Variants in COA7 observed in about 807,000 individuals in gnomAD.
COA7 encodes the protein Sel1 repeat containing 1.
COA7 carries 12 observed loss-of-function variants against 21.0 expected under a neutral mutation model. That is an observed-to-expected ratio of 0.57 (90% CI 0.37 to 0.92). The LOEUF is 0.92. COA7 is among the 40% of genes least tolerant of loss of function. The pLI, the probability that COA7 is intolerant of heterozygous loss-of-function variation, is 0.01. For synonymous variants in COA7, 95 were observed against 107.4 expected (o/e 0.88, Z 0.72); for missense variants, 240 against 286.1 (o/e 0.84, Z 1.16).
In COA7 at chr1:52,688,030, G is replaced by A; in HGVS notation, c.386C>T (p.Pro129Leu). 1 of 1,614,200 alleles carries A rather than the reference G, an allele frequency of 6.2e-7. No individual in the cohort carries two copies. The highest frequency in any genetic ancestry group is 2.2e-5 in the East Asian group (1 of 44,888). The stretch of plus-strand genomic sequence containing the variant: ...GTAGTCCCTGGCCTTTCCCAAGTCA[G>A]GCTGGCCATCCTCATTAACCTGTCC... ...HDGQVNEDGQPDLGKARDYYT... is the reference protein window; with the variant it reads ...HDGQVNEDGQLDLGKARDYYT... The change falls in exon 3 of 3, where the codon CCT becomes CTT. Residue 129 changes from proline (P) to leucine (L), a missense_variant. By Grantham distance (98) the Pro-to-Leu change is moderately conservative. This residue lies in a region of COA7 where 163 missense variants were observed against 214.1 expected (regional missense o/e 0.76). Transcript: ENST00000371538.
intron 1 of COA7, among the ~76,000 whole-genome samples, chr1:52,697,234 AAAAG>A (rs1423943658): frequency 1.3e-5 from 2 of 152,208 alleles, no homozygotes; most frequent in Non-Finnish European, 2.9e-5. Context: ...ACTATCTCAA[AAAAG>A]AAAGAAAATA....
At chr1:52,698,178 G>T in intron 1 of COA7, 43 bp downstream of exon 1, 1 of 1,407,758 alleles carries the variant, frequency 7.1e-7, no homozygotes, top group South Asian at 1.2e-5. Context: ...CTCCGGGCAC[G>T]TCCCTCCCCG....
intron 2 of COA7, among the ~76,000 whole-genome samples, chr1:52,691,627 A>G (rs1404100806): frequency 6.6e-6 from 1 of 151,722 alleles, no homozygotes; most frequent in East Asian, 1.9e-4. Context: ...GCGCGCCACC[A>G]CGCCCAGCTA....
intron 1 of COA7, among the ~76,000 whole-genome samples, chr1:52,693,386 T>A (rs1462789875): frequency 2.0e-5 from 3 of 151,930 alleles, no homozygotes; most frequent in Non-Finnish European, 2.9e-5. Flanking sequence ...GAGACCAGCC[T>A]GGACAGGGTA....
In COA7 at chr1:52,687,971, T is replaced by C. The variant is rs1256041835; in HGVS notation, c.445A>G (p.Ser149Gly). 2 of 1,614,066 alleles carry C rather than the reference T, an allele frequency of 1.2e-6. No homozygotes were observed. Among genetic ancestry groups the C allele is most frequent in the African/African-American group, 2.7e-5 (2 of 74,932 alleles). Residue 149 changes from serine to glycine, a missense_variant, in exon 3 of 3, where the codon AGT becomes GGT. This residue lies in a region of COA7 where 163 missense variants were observed against 214.1 expected (regional missense o/e 0.76). Coordinates refer to ENST00000371538, the MANE Select transcript of COA7 (RefSeq NM_023077.3). ...AACATGGCACTGAGGTTGAAGCAAC[T>C]GGAAGTATAGCCACCATCACAGGCC... ...TRACDGGYTS[S>G]CFNLSAMFLQ...
At chr1:52,688,798 T>C (rs1644024832) in intron 2 of COA7, among the ~76,000 whole-genome samples, 1 of 152,188 alleles carries the variant, frequency 6.6e-6, no homozygotes, top group Non-Finnish European at 1.5e-5. Context: ...TGATACCTTA[T>C]GAGGAAACTC....
chr1:52,692,603 C>CA, intron 2 of COA7, 124 bp downstream of exon 2: 2 of 1,107,250 alleles, frequency 1.8e-6, no homozygotes, highest in Non-Finnish European at 2.6e-6. Context: ...CCTACCTCTC[C>CA]ATCTTCCTAC....
In COA7 at chr1:52,692,776, C is replaced by G; in HGVS notation, c.198G>C (p.Gln66His). 6.2e-7 allele frequency: 1 copy of G among 1,614,176 alleles called. No homozygotes were observed. The highest frequency in any genetic ancestry group is 8.5e-7 in the Non-Finnish European group (1 of 1,180,014). The change falls in exon 2 of 3, where the codon CAG becomes CAC. Residue 66 changes from glutamine (Q) to histidine (H), a missense_variant. Physicochemically the swap from Gln to His is conservative, Grantham distance 24. Around this residue, in one of 3 missense-constraint regions of COA7, gnomAD observed 163 missense variants for 214.1 expected, o/e 0.76. Coordinates refer to ENST00000371538, the MANE Select transcript of COA7 (RefSeq NM_023077.3). ...KVLKFNCEEN[Q>H]HSDSCYKLGA... is the part of the protein sequence containing the mutation. Reference sequence around the variant, plus strand: ...CCAGTTTGTAGCAGCTATCACTGTGCTGGTTCTCTTCACAGTTAAACTTCA... The same window carrying G: ...CCAGTTTGTAGCAGCTATCACTGTGGTGGTTCTCTTCACAGTTAAACTTCA...
intron 1 of COA7, among the ~76,000 whole-genome samples, chr1:52,694,243 G>A (rs1357716058): frequency 6.6e-6 from 1 of 152,116 alleles, no homozygotes; most frequent in African/African-American, 2.4e-5. Flanking sequence ...CAGATCACCT[G>A]AGGTCGGGAG....
chr1:52,698,303 C>G lies in COA7; in HGVS notation c.24G>C (p.Gln8His). 1 of 1,612,224 alleles carries G rather than the reference C, an allele frequency of 6.2e-7. No homozygotes were observed. Among genetic ancestry groups the G allele is most frequent in the Non-Finnish European group, 8.5e-7 (1 of 1,179,760 alleles). The part of the protein sequence containing the change: MAGMVDF[Q>H]DEEQVKSFLE... ...AAAAGGACTTGACCTGCTCCTCATCCTGGAAGTCCACCATGCCGGCCATGG... is the reference window on the plus strand; with the variant it reads ...AAAAGGACTTGACCTGCTCCTCATCGTGGAAGTCCACCATGCCGGCCATGG... Residue 8 changes from glutamine (Q) to histidine (H), a missense_variant, in exon 1 of 3, where the codon CAG becomes CAC. Transcript: ENST00000371538.
intron 2 of COA7, among the ~76,000 whole-genome samples, chr1:52,690,030 A>G (rs1425551919): frequency 1.4e-5 from 1 of 70,176 alleles, no homozygotes; most frequent in Non-Finnish European, 3.5e-5. Context: ...CTGTCTCAAA[A>G]AAAAAAAAAG....
chr1:52,688,507 C>T lies in COA7; in HGVS notation c.248-339G>A, dbSNP rs540016458. Reference sequence around the variant, plus strand: ...AAGCGATCCTCCCACCTTGGCCTCCCAAAGTGCTGGAATTACAGGCGTGAG... The same window carrying T: ...AAGCGATCCTCCCACCTTGGCCTCCTAAAGTGCTGGAATTACAGGCGTGAG... On this transcript the variant is annotated intron_variant, in intron 2 of 2. Coordinates refer to ENST00000371538, the MANE Select transcript of COA7 (RefSeq NM_023077.3). Among the ~76,000 whole-genome samples the T allele has an allele frequency of 8.8e-4, 134 of 152,266 alleles. 1 individual carries two copies. The highest frequency in any genetic ancestry group is 3.1e-3 in the African/African-American group (129 of 41,548).
chr1:52,691,244 G>A (rs1173738143), intron 2 of COA7, among the ~76,000 whole-genome samples: 2 of 152,004 alleles, frequency 1.3e-5, no homozygotes, highest in Non-Finnish European at 1.5e-5. Flanking sequence ...GTGAGATCCT[G>A]TCTCTACAAA....
At chr1:52,696,976 G>GT (rs1156398209) in intron 1 of COA7, among the ~76,000 whole-genome samples, 1 of 152,030 alleles carries the variant, frequency 6.6e-6, no homozygotes, top group African/African-American at 2.4e-5. Flanking sequence ...AGGCCTGGTG[G>GT]TGGGTGCCTG....
Position 52,698,046 on chromosome 1 carries a change from G to T in COA7, c.106+175C>A, listed in dbSNP as rs946502253. On this transcript the variant is annotated intron_variant, in intron 1 of 2. Transcript: ENST00000371538. Reference sequence around the variant, plus strand: ...TCTTCCTACCCGCCCCGGCCTCCTGGCTCGGTCTTCCCGGGACACATCGCC... The same window carrying T: ...TCTTCCTACCCGCCCCGGCCTCCTGTCTCGGTCTTCCCGGGACACATCGCC... 169 of 582,596 alleles carry T rather than the reference G, an allele frequency of 2.9e-4. No homozygotes were observed. The South Asian group carries it at 3.4e-3, about 12-fold the overall frequency. The allele number at this position is 582,596 out of a possible 1,614,324, so 36.1% of individuals were successfully genotyped here.
chr1:52,692,485 C>A (rs1644054563), intron 2 of COA7, among the ~76,000 whole-genome samples: 1 of 152,200 alleles, frequency 6.6e-6, no homozygotes, highest in African/African-American at 2.4e-5. Context: ...GTAACTGAGG[C>A]ACAGAGTCGA....
At chr1:52,694,276 T>C (rs1252403422) in intron 1 of COA7, among the ~76,000 whole-genome samples, 3 of 151,944 alleles carry the variant, frequency 2.0e-5, no homozygotes, top group African/African-American at 4.8e-5. Flanking sequence ...CTGACCAACA[T>C]TGAGAAACCT....
Position 52,698,206 on chromosome 1 carries a change from G to A in COA7, c.106+15C>T, listed in dbSNP as rs780032390. 6 of 1,586,304 alleles carry A rather than the reference G, an allele frequency of 3.8e-6. No individual in the cohort carries two copies. Among genetic ancestry groups the A allele is most frequent in the Non-Finnish European group, 2.6e-6 (3 of 1,158,370 alleles). ...CCTCCCCGACGCGTCGCCGGGCTGCGCTGGAGCCGCTCACCGTCCGGGTCC... is the reference window on the plus strand; with the variant it reads ...CCTCCCCGACGCGTCGCCGGGCTGCACTGGAGCCGCTCACCGTCCGGGTCC... On this transcript the variant is annotated intron_variant, in intron 1 of 2. Transcript: ENST00000371538.
At chr1:52,691,927 C>A (rs1644050383) in intron 2 of COA7, among the ~76,000 whole-genome samples, 1 of 152,158 alleles carries the variant, frequency 6.6e-6, no homozygotes, top group Admixed American at 6.5e-5. Flanking sequence ...ATAGAAGACA[C>A]TGTGGATTCT....
Sources: allele counts gnomAD v4.1 joint callset (sites outside exome capture counted in the v4.1 genomes callset), GRCh38; gene constraint gnomAD v4.1.1; regional missense constraint gnomAD v4.1.1; transcripts MANE v1.5; gene names NCBI Gene and HGNC (gene_info 2026-07-23, HGNC 2026-07-21).